The following METTL9 variants were observed in gnomAD, a reference collection of about 807,000 sequenced individuals.
METTL9 encodes the protein methyltransferase 9, His-X-His N1(pi)-histidine.
Under a neutral mutation model 36.0 loss-of-function variants are expected in METTL9, and 10 were observed. The ratio of observed to expected loss-of-function variants is 0.28; its 90% CI spans 0.17 to 0.47. The LOEUF (loss-of-function observed/expected upper bound fraction) is 0.47. Among genes scored for constraint, METTL9 ranks in the 20% least tolerant of loss-of-function variants. The probability of loss-of-function intolerance (pLI) is 0.99; values close to 1 mark genes in which losing one functional copy is unlikely to be tolerated. For synonymous variants in METTL9, 175 were observed against 149.7 expected (o/e 1.17, Z -1.23); for missense variants, 246 against 383.5 (o/e 0.64, Z 3.00).
At chr16:21,610,167 CT>C (rs1357309348) in intron 1 of METTL9, among the ~76,000 whole-genome samples, 1 of 152,220 alleles carries the variant, frequency 6.6e-6, no homozygotes, top group Non-Finnish European at 1.5e-5. Context: ...TCCCCAGCCC[CT>C]GGCAGCCACA....
At chr16:21,599,002 G>C (rs1461354138), upstream of METTL9, among the ~76,000 whole-genome samples, 1 of 152,164 alleles carries the variant, frequency 6.6e-6, no homozygotes, top group Non-Finnish European at 1.5e-5. The surrounding 1 kb of genome is among the most constrained non-coding windows in gnomAD (Gnocchi z 4.4). Context: ...AGAGGAGGGA[G>C]TCTGGCAGGT....
chr16:21,617,734 A>T (rs1965589389), intron 2 of METTL9, 131 bp from the exon 3 acceptor site: 9 of 846,698 alleles, frequency 1.1e-5, no homozygotes, highest in Middle Eastern at 3.0e-4. Context: ...GTCTAAAAAA[A>T]AAAAAAATCT....
chr16:21,618,750 G>T, intron 3 of METTL9, among the ~76,000 whole-genome samples: 1 of 150,218 alleles, frequency 6.7e-6, no homozygotes, highest in South Asian at 2.1e-4. Context: ...GTCTTGCTCT[G>T]TCACCCAGGC....
In METTL9 at chr16:21,633,302, C is replaced by T. The variant is rs770393640; in HGVS notation, c.751+8187C>T. On this transcript the variant is annotated intron_variant, in intron 4 of 4. Coordinates refer to ENST00000358154, the MANE Select transcript of METTL9 (RefSeq NM_016025.5). The stretch of plus-strand genomic sequence containing the variant: ...ACCTTGTACCTTTGATTAGCTAGAA[C>T]GTTCAAGAGATCTAGAGCAGCCTGC... Among the ~76,000 whole-genome samples the T allele has an allele frequency of 2.0e-4, 31 of 152,144 alleles. 1 individual carries two copies. The highest frequency in any genetic ancestry group is 4.1e-4 in the Non-Finnish European group (28 of 68,032).
At chr16:21,621,623 A>G (rs1395245378) in intron 3 of METTL9, among the ~76,000 whole-genome samples, 1 of 151,606 alleles carries the variant, frequency 6.6e-6, no homozygotes, top group Non-Finnish European at 1.5e-5. Context: ...CACTGCGCCC[A>G]GCCAAAGTTT....
chr16:21,647,282 C>G, intron 4 of METTL9: 1 of 1,614,184 alleles, frequency 6.2e-7, no homozygotes, highest in Non-Finnish European at 8.5e-7. Flanking sequence ...GAGGGCCTCC[C>G]TCACTGTGAA....
Position 21,608,323 on chromosome 16 carries a change from C to T in METTL9, c.166-4322C>T, listed in dbSNP as rs545506309. Among the ~76,000 whole-genome samples, 3 of 152,194 alleles carry T rather than the reference C, an allele frequency of 2.0e-5. No homozygotes were observed. In the South Asian group the frequency reaches 6.2e-4, roughly 32 times the overall value. ...CCTGCAGATTTTTTCTCTCCTTGGT[C>T]CTTGGTATTTCACCTTAAGGGCAAG... On this transcript the variant is annotated intron_variant, in intron 1 of 4. Transcript: ENST00000358154.
chr16:21,649,744 G>A (rs1036189545), intron 4 of METTL9, among the ~76,000 whole-genome samples: 1 of 152,054 alleles, frequency 6.6e-6, no homozygotes, highest in South Asian at 2.1e-4. Flanking sequence ...CCACTGTGTC[G>A]CCCAAACTGG....
At chr16:21,621,271 C>T (rs915827102) in intron 3 of METTL9, among the ~76,000 whole-genome samples, 5 of 152,042 alleles carry the variant, frequency 3.3e-5, no homozygotes, top group Non-Finnish European at 7.4e-5. Context: ...CCTTGGCTTC[C>T]CAGAGTGCTG....
chr16:21,635,948 C>G (rs562800392), intron 4 of METTL9, among the ~76,000 whole-genome samples: 28 of 152,252 alleles, frequency 1.8e-4, no homozygotes, highest in African/African-American at 6.5e-4. Flanking sequence ...GACGCATTCT[C>G]GAAAACCTGC....
intron 1 of METTL9, chr16:21,612,086 C>T (rs1161367658): frequency 6.6e-6 from 1 of 152,168 alleles, no homozygotes; most frequent in Non-Finnish European, 1.5e-5. Context: ...ATCTCTTTTA[C>T]ATAGTCCACA....
upstream of METTL9, among the ~76,000 whole-genome samples, chr16:21,598,729 T>TC (rs1168535423): frequency 6.6e-6 from 1 of 152,168 alleles, no homozygotes; most frequent in Non-Finnish European, 1.5e-5. Flanking sequence ...TAAACACTGC[T>TC]CCCAGAGCTG....
intron 4 of METTL9, among the ~76,000 whole-genome samples, chr16:21,648,048 T>G (rs1232396049): frequency 6.6e-6 from 1 of 152,110 alleles, no homozygotes; most frequent in Non-Finnish European, 1.5e-5. Flanking sequence ...CTGGTGTCCC[T>G]TTGGGAAACA....
chr16:21,608,157 CAA>C (rs751232176), intron 1 of METTL9, among the ~76,000 whole-genome samples: 10 of 150,790 alleles, frequency 6.6e-5, no homozygotes, highest in Non-Finnish European at 1.3e-4. Flanking sequence ...TCAAAAAAAA[CAA>C]AGAACTCACC....
intron 4 of METTL9, among the ~76,000 whole-genome samples, chr16:21,634,084 A>G (rs1966027068): frequency 1.3e-5 from 2 of 152,178 alleles, no homozygotes; most frequent in African/African-American, 4.8e-5. Context: ...AAAAGAGCAA[A>G]GTTTCCAATT....
chr16:21,644,287 T>A, intron 4 of METTL9: 1 of 1,592,238 alleles, frequency 6.3e-7, no homozygotes, highest in South Asian at 1.1e-5. Context: ...GGATTTGACT[T>A]ACTTTGGAGA....
At chr16:21,652,716 A>T (rs1002763528) in intron 4 of METTL9, 4 of 702,850 alleles carry the variant, frequency 5.7e-6, no homozygotes, top group Admixed American at 2.8e-5. Context: ...ATAATCAGGA[A>T]CTTTTTGAAA....
intron 1 of METTL9, among the ~76,000 whole-genome samples, chr16:21,600,229 T>C (rs1965081034): frequency 6.6e-6 from 1 of 152,108 alleles, no homozygotes; most frequent in Non-Finnish European, 1.5e-5. Flanking sequence ...TGGGGAACTT[T>C]GGGGCCAGAG....
intron 4 of METTL9, among the ~76,000 whole-genome samples, chr16:21,638,783 T>A (rs369370114): frequency 1.4e-4 from 21 of 152,178 alleles, no homozygotes; most frequent in Non-Finnish European, 1.6e-4. Flanking sequence ...GGGAACAGCA[T>A]GTGCAAAAGC....
Sources: gnomAD v4.1 joint callset for allele counts (sites outside exome capture counted in the v4.1 genomes callset) on GRCh38, gnomAD v4.1.1 for gene constraint, Gnocchi (gnomAD v3.1) non-coding constraint, MANE v1.5 for transcripts, NCBI Gene and HGNC (gene_info 2026-07-23, HGNC 2026-07-21) for gene names.